Variants in PMS2 observed in about 807,000 individuals in gnomAD.
PMS2 encodes the protein mismatch repair endonuclease PMS2.
Under a neutral mutation model 90.0 loss-of-function variants are expected in PMS2, and 69 were observed. That is an observed-to-expected ratio of 0.77 (90% CI 0.63 to 0.94). The LOEUF is 0.94. PMS2 is among the 40% of genes least tolerant of loss of function. PMS2 has a pLI of 0.00. For missense variants in PMS2, 966 were observed against 1,040.2 expected, an observed-to-expected ratio of 0.93 and a Z score of 0.98; for synonymous variants, 332 against 375.1, an observed-to-expected ratio of 0.89 and a Z score of 1.33.
At chr7:5,995,031 G>C (rs375333762) in intron 8 of PMS2, among the ~76,000 whole-genome samples, 12 of 151,824 alleles carry the variant, frequency 7.9e-5, no homozygotes, top group African/African-American at 2.9e-4. Flanking sequence ...TAAAGTAGTA[G>C]AAAAAAATAT....
rs750524554 is a variant in PMS2 at position 6,006,014 on chromosome 7, G to C, written c.41C>G (p.Ala14Gly). The part of the protein sequence containing the change: ...AESSSTEPAK[A>G]IKPIDRKSVH... ...TGACTTCCGATCAATAGGTTTGATG[G>C]CCTTAGCAGGTTCTGTACTAGAGAA... The change falls in exon 2 of 15, where the codon GCC becomes GGC. Residue 14 changes from alanine (A) to glycine (G), a missense_variant. By Grantham distance (60) the Ala-to-Gly change is moderately conservative (BLOSUM62 0). Coordinates refer to ENST00000265849, the MANE Select transcript of PMS2 (RefSeq NM_000535.7). 5 of 1,610,666 alleles carry C rather than the reference G, an allele frequency of 3.1e-6. No individual in the cohort carries two copies. The highest frequency in any genetic ancestry group is 4.2e-6 in the Non-Finnish European group (5 of 1,179,748).
chr7:5,987,980 G>A (rs1783235138), intron 10 of PMS2, among the ~76,000 whole-genome samples: 1 of 150,328 alleles, frequency 6.7e-6, no homozygotes, highest in African/African-American at 2.4e-5. Flanking sequence ...TTTAGCCCGG[G>A]AGGCAGAGGT....
chr7:6,009,071 C>T, upstream of PMS2: 2 of 1,600,172 alleles, frequency 1.2e-6, no homozygotes, highest in Non-Finnish European at 1.7e-6. Flanking sequence ...CTCCAGGGCT[C>T]CCACAGGCGC....
At chr7:5,979,405 A>C (rs1387659815) in intron 12 of PMS2, among the ~76,000 whole-genome samples, 15 of 148,052 alleles carry the variant, frequency 1.0e-4, no homozygotes, top group Admixed American at 9.3e-4. Context: ...AAAAAAAAAA[A>C]GTTCAAGTAG....
At chr7:5,979,375 G>A (rs1782088898) in intron 12 of PMS2, among the ~76,000 whole-genome samples, 1 of 146,906 alleles carries the variant, frequency 6.8e-6, no homozygotes, top group Non-Finnish European at 1.5e-5. Flanking sequence ...TGGGCAACAG[G>A]GCAAGACTCT....
intron 5 of PMS2, 124 bp from the exon 6 acceptor site, chr7:5,999,399 G>C: frequency 1.2e-6 from 1 of 866,412 alleles, no homozygotes; most frequent in Non-Finnish European, 1.9e-6. Context: ...AAGCACTGTT[G>C]ACAGAATGAT....
intron 7 of PMS2, among the ~76,000 whole-genome samples, chr7:5,996,849 C>A (rs1784462503): frequency 6.6e-6 from 1 of 152,024 alleles, no homozygotes; most frequent in South Asian, 2.1e-4. Flanking sequence ...TTGAATTAAG[C>A]AACTGACTCC....
At chr7:5,994,720 G>T (rs543372541) in intron 8 of PMS2, among the ~76,000 whole-genome samples, 75 of 151,804 alleles carry the variant, frequency 4.9e-4, no homozygotes, top group African/African-American at 1.6e-3. Context: ...AGCTTGCAGT[G>T]AGCCGAGACC....
chr7:5,998,793 C>T (rs1784736607), intron 6 of PMS2, among the ~76,000 whole-genome samples: 2 of 151,826 alleles, frequency 1.3e-5, no homozygotes, highest in Admixed American at 1.3e-4. Context: ...AATTCGAGAC[C>T]AGCCTGGCCA....
At chr7:5,996,473 T>A (rs1376517849) in intron 7 of PMS2, among the ~76,000 whole-genome samples, 1 of 151,376 alleles carries the variant, frequency 6.6e-6, no homozygotes. Context: ...GAGTATCGCT[T>A]GAACCTGGGA....
chr7:6,004,136 CAT>C (rs1785441038), intron 2 of PMS2, 78 bp from the exon 3 acceptor site: 2 of 807,392 alleles, frequency 2.5e-6, no homozygotes, highest in South Asian at 2.9e-5. Context: ...TTATTTATAA[CAT>C]ATGCAAATTT....
chr7:5,977,867 C>T lies in PMS2; in HGVS notation c.2276-110G>A, dbSNP rs957982879. 5.6e-5 allele frequency: 85 copies of T among 1,521,560 alleles called. 5 individuals are homozygous for T. The highest frequency in any genetic ancestry group is 7.6e-5 in the Non-Finnish European group (84 of 1,108,114). 94.3% of individuals were successfully genotyped at this position (1,521,560 alleles called of 1,614,324 possible). A position where few individuals can be genotyped will look rare whatever the true frequency, so the allele number is the denominator to read the frequency against. On this transcript the variant is annotated intron_variant, in intron 13 of 14. Coordinates refer to ENST00000265849, the MANE Select transcript of PMS2 (RefSeq NM_000535.7). ...GGGCGTGGTGGCTCACGCCTGTAAT[C>T]CCTGCACTTTGGGAGGCTGAGGCCA...
chr7:5,978,148 G>A (rs1781914349), intron 13 of PMS2, among the ~76,000 whole-genome samples: 1 of 150,258 alleles, frequency 6.7e-6, no homozygotes, highest in Admixed American at 6.6e-5. Context: ...ACACCTGAAA[G>A]AGAGGAAACT....
intron 12 of PMS2, among the ~76,000 whole-genome samples, chr7:5,979,390 CAAA>C (rs567154323): frequency 8.7e-6 from 1 of 114,352 alleles, no homozygotes. Flanking sequence ...GACTCTGTCT[CAAA>C]AAAAAAAAAA....
intron 12 of PMS2, among the ~76,000 whole-genome samples, chr7:5,981,868 T>C (rs1176057888): frequency 6.6e-6 from 1 of 151,796 alleles, no homozygotes; most frequent in Non-Finnish European, 1.5e-5. Flanking sequence ...AAGGAACTAA[T>C]ACACATACAT....
chr7:5,984,138 G>C lies in PMS2; in HGVS notation c.2007-1147C>G, dbSNP rs568337757. Among the ~76,000 whole-genome samples, 152 of 151,930 alleles carry C rather than the reference G, an allele frequency of 1.0e-3. 1 individual carries two copies. The highest frequency in any genetic ancestry group is 1.4e-3 in the Admixed American group (21 of 15,260). Reference sequence around the variant, plus strand: ...GTGCATTTCCGTGAGACAGACGCTAGAGGGAGAACTACATATGTACTTCTT... The same window carrying C: ...GTGCATTTCCGTGAGACAGACGCTACAGGGAGAACTACATATGTACTTCTT... On this transcript the variant is annotated intron_variant, in intron 11 of 14. Transcript: ENST00000265849.
intron 1 of PMS2, among the ~76,000 whole-genome samples, 187 bp downstream of exon 1, chr7:6,008,810 G>C (rs1786206003): frequency 6.6e-6 from 1 of 152,140 alleles, no homozygotes; most frequent in Admixed American, 6.5e-5. Context: ...AGCTTGCCTC[G>C]GCCTCAAGGC....
intron 8 of PMS2, among the ~76,000 whole-genome samples, chr7:5,994,134 G>A (rs1784094048): frequency 6.6e-6 from 1 of 151,982 alleles, no homozygotes; most frequent in Non-Finnish European, 1.5e-5. Context: ...TGTAATCCCA[G>A]CACTTCGGGA....
chr7:5,992,316 A>ATTTTTTTT (rs1444607368), intron 8 of PMS2, among the ~76,000 whole-genome samples: 1 of 140,900 alleles, frequency 7.1e-6, no homozygotes. Context: ...TACAGGCAGG[A>ATTTTTTTT]TTTTTTTTTC....
Sources: allele counts gnomAD v4.1 joint callset (sites outside exome capture counted in the v4.1 genomes callset), GRCh38; gene constraint gnomAD v4.1.1; transcripts MANE v1.5; gene names NCBI Gene and HGNC (gene_info 2026-07-23, HGNC 2026-07-21).